The following CHN2 variants were observed in gnomAD, a reference collection of about 807,000 sequenced individuals.
CHN2 encodes beta-chimaerin.
CHN2 carries 35 observed loss-of-function variants against 56.3 expected under a neutral mutation model. The observed-to-expected ratio is 0.62, with a 90% confidence interval of 0.47 to 0.82. The LOEUF (loss-of-function observed/expected upper bound fraction) is 0.82. Ranked by LOEUF, CHN2 falls within the 40% of genes least tolerant of loss-of-function variation. CHN2 has a pLI of 0.00. For synonymous variants in CHN2, 210 were observed against 212.8 expected, an observed-to-expected ratio of 0.99 and a Z score of 0.12; for missense variants, 491 against 580.5, an observed-to-expected ratio of 0.85 and a Z score of 1.58.
chr7:29,370,644 G>T (rs1431670212), intron 3 of CHN2, among the ~76,000 whole-genome samples: 1 of 151,990 alleles, frequency 6.6e-6, no homozygotes, highest in Non-Finnish European at 1.5e-5. Flanking sequence ...CCCGGGCCAT[G>T]GGCCTCTCCC....
rs1167370791 is a variant in CHN2 at position 29,466,208 on chromosome 7, GAGAA to G, written c.577-14067_577-14064del. ...CAGAGTGAAATTGTCAAAATAAAGA[GAGAA>G]AGAGAGAGAGGAAGAGAGGAAGGAA... On this transcript the variant is annotated intron_variant, in intron 6 of 12. Coordinates refer to ENST00000222792, the MANE Select transcript of CHN2 (RefSeq NM_004067.4). Among the ~76,000 whole-genome samples, 3 of 145,170 alleles carry G rather than the reference GAGAA, an allele frequency of 2.1e-5. No individual in the cohort carries two copies. In the Admixed American group the frequency reaches 2.1e-4, roughly 10 times the overall value.
chr7:29,401,281 A>G (rs1411727007), intron 6 of CHN2: 1 of 155,922 alleles, frequency 6.4e-6, no homozygotes, highest in Non-Finnish European at 1.4e-5. Flanking sequence ...AAAAAAAAAA[A>G]TCTTCTAGGT....
chr7:29,454,270 G>A (rs534408475), intron 6 of CHN2, among the ~76,000 whole-genome samples: 4 of 152,296 alleles, frequency 2.6e-5, no homozygotes, highest in Non-Finnish European at 5.9e-5. Flanking sequence ...TGTGTGAAGT[G>A]TTTAGAGCAG....
intron 1 of CHN2, among the ~76,000 whole-genome samples, chr7:29,326,968 A>G (rs1795849815): frequency 6.6e-6 from 1 of 152,226 alleles, no homozygotes; most frequent in East Asian, 1.9e-4. Context: ...TTTTACAAGT[A>G]TAGCAATGGA....
chr7:29,351,756 T>C (rs539825196), intron 1 of CHN2, among the ~76,000 whole-genome samples: 16 of 152,116 alleles, frequency 1.1e-4, no homozygotes, highest in Middle Eastern at 6.8e-3. Flanking sequence ...AAGGGAAAAA[T>C]TGTCTACGGT....
chr7:29,398,108 C>T, intron 4 of CHN2: 1 of 261,564 alleles, frequency 3.8e-6, no homozygotes, highest in Admixed American at 5.3e-5. Flanking sequence ...TTTCAACTTT[C>T]ATTTTCAACT....
At position 29,513,047 on chromosome 7, in the gene CHN2, C is replaced by CTTAT. The variant is rs1791673952; in HGVS notation, c.*314_*317dup. Reference sequence around the variant, plus strand: ...ACAATGTAGACCTTTAAACTTCAGTCTTATTGGTAATAAAAGGGAACTTAA... The same window carrying CTTAT: ...ACAATGTAGACCTTTAAACTTCAGTCTTATTTATTGGTAATAAAAGGGAACTTAA... On this transcript the variant is annotated 3_prime_UTR_variant, in exon 13 of 13. Transcript: ENST00000222792. 4.7e-6 allele frequency: 1 copy of CTTAT among 212,724 alleles called. No individual in the cohort carries two copies. The highest frequency in any genetic ancestry group is 1.1e-4 in the East Asian group (1 of 9,128). The allele number at this position is 212,724 out of a possible 1,614,324, so 13.2% of individuals were successfully genotyped here.
intron 6 of CHN2, among the ~76,000 whole-genome samples, chr7:29,427,911 T>A (rs1805048678): frequency 6.6e-6 from 1 of 152,122 alleles, no homozygotes; most frequent in Non-Finnish European, 1.5e-5. Flanking sequence ...CGCCTCAGCC[T>A]CCCAAAGTGC....
At chr7:29,213,235 T>A in intron 1 of CHN2, 1 of 1,063,276 alleles carries the variant, frequency 9.4e-7, no homozygotes, top group Non-Finnish European at 1.4e-6. Context: ...AAATTGATAT[T>A]ACTCAGTTTC....
At chr7:29,233,926 C>T (rs1025370562) in intron 1 of CHN2, among the ~76,000 whole-genome samples, 3 of 145,106 alleles carry the variant, frequency 2.1e-5, no homozygotes, top group Non-Finnish European at 4.5e-5. Context: ...CTCCGCCTCC[C>T]GGGTTCACGC....
At chr7:29,168,204 C>T (rs533310353) in intron 2 of CHN2, among the ~76,000 whole-genome samples, 2 of 152,250 alleles carry the variant, frequency 1.3e-5, no homozygotes, top group East Asian at 3.9e-4. Context: ...TTTTTTATTT[C>T]ATAAAATGTC....
chr7:29,439,947 G>T (rs1420712020), intron 6 of CHN2, among the ~76,000 whole-genome samples: 3 of 152,188 alleles, frequency 2.0e-5, no homozygotes, highest in Admixed American at 1.3e-4. Context: ...TTAATTAACT[G>T]GTTCAAGTTC....
chr7:29,498,091 A>T (rs777391961), intron 8 of CHN2, among the ~76,000 whole-genome samples: 7 of 152,256 alleles, frequency 4.6e-5, no homozygotes, highest in Non-Finnish European at 7.3e-5. Context: ...TGAAGTTTGT[A>T]AGACATACTA....
chr7:29,409,942 G>A (rs1305332381), intron 6 of CHN2, among the ~76,000 whole-genome samples: 1 of 152,196 alleles, frequency 6.6e-6, no homozygotes, highest in Non-Finnish European at 1.5e-5. Context: ...TGGGACTGCT[G>A]TACACCTATG....
chr7:29,360,621 A>G (rs970383910), intron 2 of CHN2, among the ~76,000 whole-genome samples: 9 of 152,238 alleles, frequency 5.9e-5, no homozygotes, highest in African/African-American at 2.2e-4. Flanking sequence ...AAGCACCTAC[A>G]ATTCCCTGCT....
At chr7:29,456,510 A>G (rs2128134292) in intron 6 of CHN2, among the ~76,000 whole-genome samples, 1 of 152,208 alleles carries the variant, frequency 6.6e-6, no homozygotes, top group Middle Eastern at 3.4e-3. Flanking sequence ...TCCATAAATG[A>G]CTGTATGAGC....
At chr7:29,509,497 C>A in intron 12 of CHN2, 91 bp downstream of exon 12, 1 of 976,612 alleles carries the variant, frequency 1.0e-6, no homozygotes, top group Admixed American at 1.9e-5. Context: ...CCAGCCATAA[C>A]TGCTGGAGTT....
intron 6 of CHN2, among the ~76,000 whole-genome samples, chr7:29,413,396 T>TA (rs998144837): frequency 6.6e-6 from 1 of 152,116 alleles, no homozygotes; most frequent in Non-Finnish European, 1.5e-5. Flanking sequence ...TTTAACAGAG[T>TA]AAAAGCAGTT....
At chr7:29,189,303 A>G (rs1049936581) in intron 2 of CHN2, among the ~76,000 whole-genome samples, 5 of 152,232 alleles carry the variant, frequency 3.3e-5, no homozygotes, top group Admixed American at 6.5e-5. Context: ...CTGGCACATA[A>G]TGAGTGTTTA....
Sources: gnomAD v4.1 joint callset for allele counts (sites outside exome capture counted in the v4.1 genomes callset) on GRCh38, gnomAD v4.1.1 for gene constraint, MANE v1.5 for transcripts, NCBI Gene and HGNC (gene_info 2026-07-23, HGNC 2026-07-21) for gene names.